Variants in ZNF536 observed in about 807,000 individuals in gnomAD.
ZNF536 encodes the protein zinc finger protein 536.
ZNF536 carries 13 observed loss-of-function variants against 84.5 expected under a neutral mutation model. The observed-to-expected ratio is 0.15, with a 90% confidence interval of 0.10 to 0.24. The LOEUF is 0.24. Ranked by LOEUF, ZNF536 falls within the 10% of genes least tolerant of loss-of-function variation. The pLI is 1.00. For missense variants in ZNF536, 1,536 were observed against 1,747.5 expected, an observed-to-expected ratio of 0.88 and a Z score of 2.16; for synonymous variants, 811 against 742.5, an observed-to-expected ratio of 1.09 and a Z score of -1.50.
intron 1 of ZNF536, among the ~76,000 whole-genome samples, chr19:30,575,883 A>G (rs932092269): frequency 6.6e-6 from 1 of 152,112 alleles, no homozygotes; most frequent in Non-Finnish European, 1.5e-5. Context: ...TGGAGAGAGA[A>G]TATGTAGAAG....
At chr19:30,700,563 T>C (rs908362856) in intron 1 of ZNF536, among the ~76,000 whole-genome samples, 5 of 151,992 alleles carry the variant, frequency 3.3e-5, no homozygotes, top group Non-Finnish European at 7.4e-5. Context: ...CATTTTAAAA[T>C]TTTTGTAGGG....
At chr19:30,658,736 C>T (rs891832150) in intron 1 of ZNF536, among the ~76,000 whole-genome samples, 28 of 152,054 alleles carry the variant, frequency 1.8e-4, no homozygotes, top group Admixed American at 4.6e-4. Flanking sequence ...TGGTCTGACT[C>T]TCCCACCGAA....
intron 3 of ZNF536, among the ~76,000 whole-genome samples, chr19:30,363,992 C>T (rs1244061559): frequency 6.6e-6 from 1 of 152,068 alleles, no homozygotes; most frequent in South Asian, 2.1e-4. Context: ...AAACTGAGGG[C>T]AGATAGGTGT....
chr19:30,607,582 C>T (rs1292936349), intron 1 of ZNF536, among the ~76,000 whole-genome samples: 2 of 151,672 alleles, frequency 1.3e-5, no homozygotes, highest in Admixed American at 6.6e-5. Context: ...ATTAGCTGGA[C>T]GTGGTGGTGC....
chr19:30,535,522 G>A (rs1183142867), intron 3 of ZNF536, among the ~76,000 whole-genome samples: 3 of 152,154 alleles, frequency 2.0e-5, no homozygotes, highest in Non-Finnish European at 4.4e-5. Context: ...TGGTGGAAAA[G>A]TGACTCTTCC....
At chr19:30,571,921 G>A (rs573858223) in intron 1 of ZNF536, among the ~76,000 whole-genome samples, 12 of 152,314 alleles carry the variant, frequency 7.9e-5, no homozygotes, top group African/African-American at 2.2e-4. Context: ...GGTTGTAGAA[G>A]CAGAGACAAG....
intron 1 of ZNF536, among the ~76,000 whole-genome samples, chr19:30,387,789 T>C (rs116865336): frequency 0.023 from 3,495 of 152,278 alleles, 58 homozygotes; most frequent in Non-Finnish European, 0.034. Flanking sequence ...CTACTTACCC[T>C]ACTGCACAGG....
intron 1 of ZNF536, among the ~76,000 whole-genome samples, chr19:30,622,156 G>T (rs992140682): frequency 1.3e-5 from 2 of 152,190 alleles, no homozygotes; most frequent in Non-Finnish European, 1.5e-5. Context: ...GGAAGAATGG[G>T]TTCCCTGTTA....
chr19:30,254,614 T>A (rs1423119298), intron 1 of ZNF536, among the ~76,000 whole-genome samples: 1 of 146,834 alleles, frequency 6.8e-6, no homozygotes, highest in Non-Finnish European at 1.5e-5. Context: ...CATCCAAACC[T>A]CCTCTGGAAT....
intron 1 of ZNF536, among the ~76,000 whole-genome samples, chr19:30,241,687 G>A (rs1312167414): frequency 6.6e-6 from 1 of 152,220 alleles, no homozygotes; most frequent in Non-Finnish European, 1.5e-5. Context: ...TGCACTCTGG[G>A]CAGCACCACC....
intron 1 of ZNF536, among the ~76,000 whole-genome samples, chr19:30,620,491 GA>G (rs1453641335): frequency 2.6e-5 from 4 of 152,134 alleles, no homozygotes; most frequent in Non-Finnish European, 5.9e-5. Flanking sequence ...ATGGGGAATG[GA>G]AGTCCTGCAG....
chr19:30,544,141 C>G (rs551317525), intron 3 of ZNF536, among the ~76,000 whole-genome samples: 1 of 152,316 alleles, frequency 6.6e-6, no homozygotes, highest in African/African-American at 2.4e-5. Flanking sequence ...GCGTGCCCAC[C>G]TGGAGCACTT....
At chr19:30,451,542 G>A (rs2052608051) in intron 2 of ZNF536, among the ~76,000 whole-genome samples, 1 of 152,158 alleles carries the variant, frequency 6.6e-6, no homozygotes, top group Admixed American at 6.5e-5. Flanking sequence ...TCAGAAAGAG[G>A]GTACTTGCAC....
intron 1 of ZNF536, among the ~76,000 whole-genome samples, chr19:30,601,788 C>T (rs918860975): frequency 5.3e-5 from 8 of 152,262 alleles, no homozygotes; most frequent in African/African-American, 1.7e-4. Flanking sequence ...CTGAAGGCAA[C>T]GTGGCTCTCC....
At chr19:30,323,410 A>T (rs917742967) in intron 2 of ZNF536, among the ~76,000 whole-genome samples, 1 of 152,176 alleles carries the variant, frequency 6.6e-6, no homozygotes, top group Admixed American at 6.5e-5. Context: ...TTTTTAATTC[A>T]CCCACAATCA....
At chr19:30,709,454 T>G (rs996162326) in intron 1 of ZNF536, among the ~76,000 whole-genome samples, 6 of 152,162 alleles carry the variant, frequency 3.9e-5, no homozygotes, top group Non-Finnish European at 8.8e-5. Flanking sequence ...CTTGCCATTC[T>G]TGGTTTGCTC....
intron 2 of ZNF536, among the ~76,000 whole-genome samples, chr19:30,295,818 T>C (rs1420351553): frequency 2.0e-5 from 3 of 152,230 alleles, no homozygotes; most frequent in South Asian, 2.1e-4. Flanking sequence ...GTTCATTCTT[T>C]AATTGAGGGG....
chr19:30,441,164 C>A (rs1600738009), intron 1 of ZNF536, among the ~76,000 whole-genome samples: 1 of 152,202 alleles, frequency 6.6e-6, no homozygotes, highest in Non-Finnish European at 1.5e-5. Context: ...TCAGCAGCAA[C>A]CTGAAAATAG....
intron 1 of ZNF536, among the ~76,000 whole-genome samples, chr19:30,268,898 G>A (rs2025667608): frequency 6.6e-6 from 1 of 152,142 alleles, no homozygotes; most frequent in Non-Finnish European, 1.5e-5. Flanking sequence ...TTGCTTTTAG[G>A]TAGTGGAATT....
Sources: gnomAD v4.1 joint callset for allele counts (sites outside exome capture counted in the v4.1 genomes callset) on GRCh38, gnomAD v4.1.1 for gene constraint, MANE v1.5 for transcripts, NCBI Gene and HGNC (gene_info 2026-07-23, HGNC 2026-07-21) for gene names.